Variants in FAM222A observed in about 807,000 individuals in gnomAD.
FAM222A encodes family with sequence similarity 222 member A.
In FAM222A, 7 loss-of-function variants were observed where a neutral mutation model predicts 25.8. The ratio of observed to expected loss-of-function variants is 0.27; its 90% confidence interval spans 0.15 to 0.51. The LOEUF is 0.51. Ranked by LOEUF, FAM222A falls within the 20% of genes least tolerant of loss-of-function variation. FAM222A has a pLI of 0.97. For synonymous variants in FAM222A, 294 were observed against 298.8 expected (o/e 0.98, Z 0.17); for missense variants, 573 against 640.5 (o/e 0.89, Z 1.14).
chr12:109,729,530 C>G (rs1431943914), intron 1 of FAM222A, among the ~76,000 whole-genome samples: 1 of 152,252 alleles, frequency 6.6e-6, no homozygotes, highest in East Asian at 1.9e-4. Context: ...CTATAATCAG[C>G]AGCCTCGCCA....
At chr12:109,754,253 T>G (rs549053383) in intron 2 of FAM222A, among the ~76,000 whole-genome samples, 17 of 151,884 alleles carry the variant, frequency 1.1e-4, no homozygotes, top group Non-Finnish European at 2.2e-4. Context: ...GTATAAGGAT[T>G]AGAAAGGAGT....
At position 109,768,507 on chromosome 12, in the gene FAM222A, C is replaced by A. The variant is rs1889131723; in HGVS notation, c.578C>A (p.Pro193His). The change falls in exon 3 of 3, where the codon CCT becomes CAT. Residue 193 changes from proline (P) to histidine (H), a missense_variant. Around this residue, in one of 3 missense-constraint regions of FAM222A, gnomAD observed 412 missense variants for 407.0 expected, o/e 1.01. Coordinates refer to ENST00000538780, the MANE Select transcript of FAM222A (RefSeq NM_032829.3). ...CCGGGCCGGGGCCTGCCCCTGCCACCTTCCAACCTGCCCTCCATCCACAGC... is the reference window on the plus strand; with the variant it reads ...CCGGGCCGGGGCCTGCCCCTGCCACATTCCAACCTGCCCTCCATCCACAGC... ...PLPGRGLPLP[P>H]SNLPSIHSLL... The A allele has an allele frequency of 3.7e-6, 6 of 1,605,974 alleles. No homozygotes were observed. The highest frequency in any genetic ancestry group is 5.1e-6 in the Non-Finnish European group (6 of 1,178,600).
intron 1 of FAM222A, among the ~76,000 whole-genome samples, chr12:109,740,490 T>G (rs1396037105): frequency 6.6e-6 from 1 of 152,074 alleles, no homozygotes; most frequent in African/African-American, 2.4e-5. Context: ...AGGGGGGTAA[T>G]GAGTCCAGGC....
At chr12:109,738,320 C>T (rs1407638501) in intron 1 of FAM222A, among the ~76,000 whole-genome samples, 1 of 152,190 alleles carries the variant, frequency 6.6e-6, no homozygotes, top group African/African-American at 2.4e-5. Context: ...GAGAAGTGAC[C>T]CATTTAGGGC....
intron 2 of FAM222A, among the ~76,000 whole-genome samples, chr12:109,756,922 T>C (rs562555053): frequency 6.6e-6 from 1 of 152,356 alleles, no homozygotes; most frequent in South Asian, 2.1e-4. Flanking sequence ...AATTAATTCT[T>C]ATTTAAATGC....
intron 1 of FAM222A, among the ~76,000 whole-genome samples, chr12:109,740,167 G>GTTCC (rs1164967993): frequency 6.6e-6 from 1 of 152,166 alleles, no homozygotes; most frequent in Non-Finnish European, 1.5e-5. Context: ...GACCTGAAAA[G>GTTCC]TTCCTTCCTT....
rs984644287 is a variant in FAM222A at position 109,714,219 on chromosome 12, T to TGCC, written c.-716_-714dup. On this transcript the variant is annotated 5_prime_UTR_variant, in exon 1 of 3. Coordinates refer to ENST00000538780, the MANE Select transcript of FAM222A (RefSeq NM_032829.3). The surrounding 1 kb of genome is among the most constrained non-coding windows in gnomAD (Gnocchi z 4.2). ...CGCCCGCTGCCGCCGCCGCCGCCGC[T>TGCC]GCCGCCGCCGCTGTTCGCCGGCTTC... 3.3e-5 allele frequency: 6 copies of TGCC among 184,556 alleles called. No individual in the cohort carries two copies. Among genetic ancestry groups the TGCC allele is most frequent in the South Asian group, 3.0e-4 (5 of 16,502 alleles). 11.4% of individuals were successfully genotyped at this position (184,556 alleles called of 1,614,324 possible).
intron 1 of FAM222A, among the ~76,000 whole-genome samples, chr12:109,740,910 C>A (rs1403794400): frequency 6.6e-6 from 1 of 152,150 alleles, no homozygotes; most frequent in Non-Finnish European, 1.5e-5. Context: ...GAAGACAGAT[C>A]TGAGTTCGAA....
At chr12:109,720,002 C>T in intron 1 of FAM222A, 1 of 723,810 alleles carries the variant, frequency 1.4e-6, no homozygotes, top group Non-Finnish European at 1.7e-6. Context: ...GCCTCAGTTT[C>T]CTCTTGTTCA....
chr12:109,735,501 A>C (rs1266223985), intron 1 of FAM222A: 1 of 152,214 alleles, frequency 6.6e-6, no homozygotes, highest in Non-Finnish European at 1.5e-5. Flanking sequence ...TGCCTGCTTT[A>C]ACCCTGAACT....
intron 1 of FAM222A, chr12:109,719,982 A>G (rs1052212012): frequency 1.9e-6 from 1 of 518,992 alleles, no homozygotes; most frequent in Non-Finnish European, 2.5e-6. Context: ...AAATTATTTT[A>G]CCCCTCTGTG....
intron 1 of FAM222A, among the ~76,000 whole-genome samples, chr12:109,728,398 T>C (rs542747496): frequency 6.6e-6 from 1 of 152,296 alleles, no homozygotes; most frequent in Admixed American, 6.5e-5. Context: ...CCTTAGTCTC[T>C]TCCTAATCCC....
intron 1 of FAM222A, among the ~76,000 whole-genome samples, chr12:109,720,724 G>A (rs1364994815): frequency 6.6e-6 from 1 of 152,264 alleles, no homozygotes; most frequent in Non-Finnish European, 1.5e-5. Flanking sequence ...AGATGAACAA[G>A]CCCCAGTTGC....
At chr12:109,765,640 G>A (rs1400260422) in intron 2 of FAM222A, among the ~76,000 whole-genome samples, 2 of 152,176 alleles carry the variant, frequency 1.3e-5, no homozygotes, top group Non-Finnish European at 2.9e-5. Context: ...TCCCGCCACC[G>A]CCTGTTCCTC....
intron 2 of FAM222A, among the ~76,000 whole-genome samples, chr12:109,753,630 G>A (rs1462926782): frequency 6.6e-6 from 1 of 152,064 alleles, no homozygotes; most frequent in Non-Finnish European, 1.5e-5. Flanking sequence ...CATATTGCTC[G>A]TGATAGATGA....
At chr12:109,719,093 A>G (rs1490809091) in intron 1 of FAM222A, among the ~76,000 whole-genome samples, 1 of 152,176 alleles carries the variant, frequency 6.6e-6, no homozygotes, top group Non-Finnish European at 1.5e-5. Flanking sequence ...ATGTGCAGCC[A>G]CCATCTGGGT....
rs140318914 is a variant in FAM222A, at chr12:109,732,912, G to A, written c.-46-11189G>A. Among the ~76,000 whole-genome samples the A allele has an allele frequency of 5.3e-3, 805 of 152,356 alleles. 6 individuals carry two copies. Among genetic ancestry groups the A allele is most frequent in the Non-Finnish European group, 5.3e-3 (361 of 68,022 alleles). On this transcript the variant is annotated intron_variant, in intron 1 of 2. Coordinates refer to ENST00000538780, the MANE Select transcript of FAM222A (RefSeq NM_032829.3). The stretch of plus-strand genomic sequence containing the variant: ...CCCATCGTGCAGACACAGTAGAACC[G>A]GCACTCCAGTGGAAGAGACAGACAC...
chr12:109,757,580 G>GAA (rs1489993105), intron 2 of FAM222A, among the ~76,000 whole-genome samples: 1 of 152,122 alleles, frequency 6.6e-6, no homozygotes, highest in Non-Finnish European at 1.5e-5. Context: ...ATTCTTCGAA[G>GAA]AAAATGATGG....
chr12:109,733,070 G>C (rs61943763), intron 1 of FAM222A, among the ~76,000 whole-genome samples: 2 of 152,202 alleles, frequency 1.3e-5, no homozygotes, highest in Non-Finnish European at 2.9e-5. Context: ...AGGAGGTGAT[G>C]TTTGAGCTGA....
Sources: allele counts gnomAD v4.1 joint callset (sites outside exome capture counted in the v4.1 genomes callset), GRCh38; gene constraint gnomAD v4.1.1; regional missense constraint gnomAD v4.1.1; non-coding constraint Gnocchi (gnomAD v3.1); transcripts MANE v1.5; gene names NCBI Gene and HGNC (gene_info 2026-07-23, HGNC 2026-07-21).